The following KCNT1 variants were observed in gnomAD, a reference collection of about 807,000 sequenced individuals.
KCNT1 encodes the protein potassium sodium-activated channel subfamily T member 1.
Under a neutral mutation model 147.8 loss-of-function variants are expected in KCNT1, and 78 were observed. That is an observed-to-expected ratio of 0.53 (90% CI 0.44 to 0.64). The LOEUF is 0.64. Ranked by LOEUF, KCNT1 falls within the 30% of genes least tolerant of loss-of-function variation. KCNT1 has a pLI of 0.00. For synonymous variants in KCNT1, 867 were observed against 748.8 expected (o/e 1.16, Z -2.58); for missense variants, 1,419 against 1,750.3 (o/e 0.81, Z 3.38).
At chr9:135,745,377 C>T (rs944232613) in intron 2 of KCNT1, among the ~76,000 whole-genome samples, 1 of 152,178 alleles carries the variant, frequency 6.6e-6, no homozygotes, top group African/African-American at 2.4e-5. Context: ...GCTTTCCCAC[C>T]GGCCGGGCCC....
chr9:135,788,209 C>G (rs958808642), intron 29 of KCNT1: 1 of 1,484,056 alleles, frequency 6.7e-7, no homozygotes, highest in Admixed American at 1.7e-5. Flanking sequence ...CGGGGCTCGC[C>G]AACCCTTCAC....
chr9:135,729,465 C>T (rs1344774249), intron 2 of KCNT1, among the ~76,000 whole-genome samples: 1 of 152,238 alleles, frequency 6.6e-6, no homozygotes, highest in African/African-American at 2.4e-5. Context: ...GCGGGCCCAG[C>T]CCTGCGGATG....
chr9:135,790,297 G>A (rs1276966377), intron 29 of KCNT1: 1 of 152,280 alleles, frequency 6.6e-6, no homozygotes, highest in East Asian at 1.9e-4. Flanking sequence ...TGGGCACGAG[G>A]GTGGGGAGGG....
intron 1 of KCNT1, among the ~76,000 whole-genome samples, chr9:135,713,178 G>T (rs1025849053): frequency 2.0e-5 from 3 of 152,220 alleles, no homozygotes; most frequent in Non-Finnish European, 2.9e-5. Context: ...AGTGAGGAAG[G>T]CACAAAATCA....
At chr9:135,711,671 C>T (rs1251287324) in intron 1 of KCNT1, among the ~76,000 whole-genome samples, 1 of 152,222 alleles carries the variant, frequency 6.6e-6, no homozygotes, top group African/African-American at 2.4e-5. Context: ...TTCCTGTTGC[C>T]GTGCCCAGGT....
chr9:135,725,435 G>A (rs529366688), intron 2 of KCNT1, among the ~76,000 whole-genome samples: 50 of 152,340 alleles, frequency 3.3e-4, no homozygotes, highest in African/African-American at 9.1e-4. Context: ...AAGCCACGCC[G>A]GGACAGACGC....
chr9:135,756,624 A>AT lies in KCNT1; in HGVS notation c.541-248dup, dbSNP rs532809089. Among the ~76,000 whole-genome samples the AT allele has an allele frequency of 8.1e-3, 1,233 of 152,158 alleles. 11 individuals carry two copies. Among genetic ancestry groups the AT allele is most frequent in the Non-Finnish European group, 0.013 (900 of 67,970 alleles). On this transcript the variant is annotated intron_variant, in intron 6 of 30. Transcript: ENST00000371757. Reference sequence around the variant, plus strand: ...TCCTGCCTCACCCACTGCACCCTCCATCCCACCCTGGGCCTAGAGTGGGCG... The same window carrying AT: ...TCCTGCCTCACCCACTGCACCCTCCATTCCCACCCTGGGCCTAGAGTGGGCG...
At chr9:135,732,014 A>AGG (rs1367347980) in intron 2 of KCNT1, among the ~76,000 whole-genome samples, 9,518 of 122,524 alleles carry the variant, frequency 0.078, 1,119 homozygotes, top group South Asian at 0.11. Context: ...AGAGAGAGAG[A>AGG]GAGAGAGAGA....
At chr9:135,718,444 G>A (rs1236056396) in intron 2 of KCNT1, among the ~76,000 whole-genome samples, 1 of 152,222 alleles carries the variant, frequency 6.6e-6, no homozygotes, top group Non-Finnish European at 1.5e-5. Context: ...TGGGGTCCTG[G>A]GCTGTGGACG....
chr9:135,780,792 A>G (rs1389081403), intron 24 of KCNT1, among the ~76,000 whole-genome samples: 1 of 152,182 alleles, frequency 6.6e-6, no homozygotes, highest in Non-Finnish European at 1.5e-5. Flanking sequence ...GGAAGTTCAC[A>G]GGATTCTGTG....
intron 25 of KCNT1, 54 bp from the exon 26 acceptor site, chr9:135,784,481 G>A: frequency 1.7e-6 from 1 of 598,696 alleles, no homozygotes; most frequent in Non-Finnish European, 3.0e-6. Context: ...GCCTCACTGT[G>A]GCTCCCTCCC....
chr9:135,772,910 A>T lies in KCNT1; in HGVS notation c.2204A>T (p.Glu735Val). 6.5e-7 allele frequency: 1 copy of T among 1,538,944 alleles called. No homozygotes were observed. Among genetic ancestry groups the T allele is most frequent in the East Asian group, 2.4e-5 (1 of 41,072 alleles). ...CTGCTGAGCGACCAGTCGGAGGATG[A>T]GGTGACGCCGTCGGACGACGAGGGG... is the stretch of plus-strand genomic sequence containing the variant. ...CDLLSDQSED[E>V]VTPSDDEGLS... Residue 735 changes from glutamate to valine, a missense_variant, in exon 19 of 31, where the codon GAG becomes GTG. Physicochemically the swap from Glu to Val is moderately radical, Grantham distance 121. This residue lies in a region of KCNT1 where 284 missense variants were observed against 292.8 expected (regional missense o/e 0.97). Transcript: ENST00000371757.
rs549886228 is a variant in KCNT1, at chr9:135,745,431, T to TGAA, written c.255-4666_255-4665insAAG. Among the ~76,000 whole-genome samples the TGAA allele has an allele frequency of 4.6e-5, 7 of 152,326 alleles. No homozygotes were observed. In the East Asian group the frequency reaches 1.4e-3, roughly 29 times the overall value. ...GTGGCCCCACCCGGGGTCCCGCCTC[T>TGAA]GCCCGTGGTCCACACCTGTGGCTTC... On this transcript the variant is annotated intron_variant, in intron 2 of 30. Transcript: ENST00000371757.
chr9:135,782,853 G>A (rs1031381529), intron 24 of KCNT1, among the ~76,000 whole-genome samples: 2 of 152,226 alleles, frequency 1.3e-5, no homozygotes, highest in Non-Finnish European at 2.9e-5. Flanking sequence ...ATCGCACCTG[G>A]TTCTTGCCCC....
intron 2 of KCNT1, among the ~76,000 whole-genome samples, chr9:135,742,053 C>T (rs1218855302): frequency 6.6e-6 from 1 of 152,332 alleles, no homozygotes; most frequent in East Asian, 1.9e-4. Context: ...CAGTCTGGGA[C>T]AACTGGGGCC....
At chr9:135,759,975 A>G in intron 11 of KCNT1, 116 bp downstream of exon 11, 1 of 994,302 alleles carries the variant, frequency 1.0e-6, no homozygotes, top group South Asian at 1.8e-5. Context: ...CCAGGAGGGG[A>G]CAGTGAGGCC....
intron 11 of KCNT1, among the ~76,000 whole-genome samples, chr9:135,761,819 G>A (rs911694833): frequency 6.6e-6 from 1 of 152,136 alleles, no homozygotes; most frequent in African/African-American, 2.4e-5. Flanking sequence ...GGGCCAATGC[G>A]TCCCCCTTTC....
At position 135,749,294 on chromosome 9, in the gene KCNT1, G is replaced by A. The variant is rs1333093937; in HGVS notation, c.255-804G>A. 7.9e-5 allele frequency among the ~76,000 whole-genome samples: 12 copies of A among 152,304 alleles called. No homozygotes were observed. The South Asian group carries it at 8.3e-4, about 11-fold the overall frequency. On this transcript the variant is annotated intron_variant, in intron 2 of 30. Coordinates refer to ENST00000371757, the MANE Select transcript of KCNT1 (RefSeq NM_020822.3). Reference sequence around the variant, plus strand: ...CAGGTGGCCACGGTAGGTGAGCCACGCAATCTCCCCACCCCACCTCACCCC... The same window carrying A: ...CAGGTGGCCACGGTAGGTGAGCCACACAATCTCCCCACCCCACCTCACCCC...
intron 2 of KCNT1, among the ~76,000 whole-genome samples, chr9:135,746,720 C>T (rs1004577919): frequency 2.0e-5 from 3 of 152,002 alleles, no homozygotes; most frequent in Admixed American, 1.3e-4. Flanking sequence ...GGGGCGTGGC[C>T]GGAGCTGGCT....
Sources: gnomAD v4.1 joint callset for allele counts (sites outside exome capture counted in the v4.1 genomes callset) on GRCh38, gnomAD v4.1.1 for gene constraint, gnomAD v4.1.1 regional missense constraint, MANE v1.5 for transcripts, NCBI Gene and HGNC (gene_info 2026-07-23, HGNC 2026-07-21) for gene names.